Variants in TMEM132D observed in about 807,000 individuals in gnomAD.
TMEM132D encodes the protein mature OL transmembrane protein.
In TMEM132D, 21 loss-of-function variants were observed where a neutral mutation model predicts 62.3. That is an observed-to-expected ratio of 0.34 (90% CI 0.24 to 0.49). The LOEUF is 0.49. Ranked by LOEUF, TMEM132D falls within the 20% of genes least tolerant of loss-of-function variation. TMEM132D has a pLI of 0.99. For missense variants in TMEM132D, 1,346 were observed against 1,402.8 expected, an observed-to-expected ratio of 0.96 and a Z score of 0.65; for synonymous variants, 621 against 575.6, an observed-to-expected ratio of 1.08 and a Z score of -1.13.
chr12:129,745,814 T>C (rs1338904294), intron 1 of TMEM132D, among the ~76,000 whole-genome samples: 1 of 152,204 alleles, frequency 6.6e-6, no homozygotes, highest in East Asian at 1.9e-4. Context: ...AGGAACCAAC[T>C]TGCAAAGAGT....
At chr12:129,368,760 T>C (rs1267119952) in intron 3 of TMEM132D, among the ~76,000 whole-genome samples, 2 of 149,980 alleles carry the variant, frequency 1.3e-5, no homozygotes, top group Non-Finnish European at 3.0e-5. Context: ...GTTGTCAACC[T>C]TTCCACCAAA....
chr12:129,106,339 C>T (rs577570396), intron 5 of TMEM132D, among the ~76,000 whole-genome samples: 41 of 150,792 alleles, frequency 2.7e-4, no homozygotes, highest in South Asian at 1.7e-3. Flanking sequence ...GTGGGTGCAG[C>T]GCATCAGCAT....
chr12:129,793,436 A>C (rs1216467447), intron 1 of TMEM132D, among the ~76,000 whole-genome samples: 1 of 152,142 alleles, frequency 6.6e-6, no homozygotes, highest in Non-Finnish European at 1.5e-5. Context: ...CAGTGGCATG[A>C]TCATGGCTCC....
chr12:129,543,195 G>A (rs1172780327), intron 2 of TMEM132D, among the ~76,000 whole-genome samples: 1 of 108,394 alleles, frequency 9.2e-6, no homozygotes, highest in Non-Finnish European at 1.9e-5. Flanking sequence ...GGATGGATGA[G>A]TTGATGAGTT....
intron 1 of TMEM132D, among the ~76,000 whole-genome samples, chr12:129,795,492 G>A (rs189382063): frequency 3.3e-5 from 5 of 152,272 alleles, no homozygotes; most frequent in East Asian, 3.9e-4. Context: ...ACAGTATTTC[G>A]TGGTGCCAAG....
At chr12:129,451,450 C>G (rs1873284733) in intron 3 of TMEM132D, among the ~76,000 whole-genome samples, 1 of 152,054 alleles carries the variant, frequency 6.6e-6, no homozygotes, top group Non-Finnish European at 1.5e-5. Flanking sequence ...GTTACAGTGA[C>G]TAGATGCTTT....
At chr12:129,706,642 A>G (rs1881513404) in intron 1 of TMEM132D, among the ~76,000 whole-genome samples, 1 of 152,008 alleles carries the variant, frequency 6.6e-6, no homozygotes, top group South Asian at 2.1e-4. Context: ...TATAATCTCT[A>G]TGGAGAATAC....
At chr12:129,852,285 T>G (rs1873568253) in intron 1 of TMEM132D, 1 of 152,252 alleles carries the variant, frequency 6.6e-6, no homozygotes, top group Non-Finnish European at 1.5e-5. Flanking sequence ...GGCTCACACC[T>G]GTAATACCAG....
At chr12:129,654,869 CACAA>C (rs962170357) in intron 2 of TMEM132D, among the ~76,000 whole-genome samples, 4 of 152,332 alleles carry the variant, frequency 2.6e-5, no homozygotes, top group African/African-American at 9.6e-5. Context: ...CTTCTAAAAA[CACAA>C]ACAAACGAAC....
intron 5 of TMEM132D, among the ~76,000 whole-genome samples, chr12:129,182,470 T>C (rs11060183): frequency 0.43 from 64,915 of 151,540 alleles, 14,181 homozygotes; most frequent in East Asian, 0.57. Flanking sequence ...AGGTCCACAC[T>C]CTGCAGGGAA....
chr12:129,268,230 C>T (rs1234858409), intron 4 of TMEM132D, among the ~76,000 whole-genome samples: 5 of 152,114 alleles, frequency 3.3e-5, no homozygotes, highest in Non-Finnish European at 2.9e-5. Context: ...AAGAAACCAC[C>T]ATCAGAGTGA....
chr12:129,566,388 AG>A (rs1396928124), intron 2 of TMEM132D, among the ~76,000 whole-genome samples: 7 of 152,142 alleles, frequency 4.6e-5, no homozygotes. Context: ...CTCTTAGCCA[AG>A]GTCCTTCTGA....
chr12:129,607,974 C>T lies in TMEM132D; in HGVS notation c.969-76769G>A, dbSNP rs900886486. 1.2e-4 allele frequency among the ~76,000 whole-genome samples: 18 copies of T among 152,126 alleles called. 1 individual carries two copies. Among genetic ancestry groups the T allele is most frequent in the Admixed American group, 2.6e-4 (4 of 15,274 alleles). On this transcript the variant is annotated intron_variant, in intron 2 of 8. Transcript: ENST00000422113. ...CAGCCCCCAGTGAATGTGCTGACTG[C>T]GGCGGGGGAGGAGCCGACAGATCAG... is the stretch of plus-strand genomic sequence containing the variant.
At chr12:129,185,650 T>C (rs1878197758) in intron 5 of TMEM132D, among the ~76,000 whole-genome samples, 1 of 152,094 alleles carries the variant, frequency 6.6e-6, no homozygotes, top group Non-Finnish European at 1.5e-5. Context: ...CTTCTCAAAG[T>C]TGGTTATTTT....
chr12:129,581,619 G>A (rs1210629274), intron 2 of TMEM132D, among the ~76,000 whole-genome samples: 1 of 152,196 alleles, frequency 6.6e-6, no homozygotes, highest in Non-Finnish European at 1.5e-5. Context: ...GGAGAAAGAT[G>A]AGGTAGAAGA....
intron 3 of TMEM132D, among the ~76,000 whole-genome samples, chr12:129,377,115 G>A (rs748925505): frequency 6.6e-5 from 10 of 152,108 alleles, no homozygotes; most frequent in Non-Finnish European, 1.3e-4. Context: ...AACAAGTCCT[G>A]ACCTAATGTG....
At chr12:129,553,775 C>A (rs1876969176) in intron 2 of TMEM132D, among the ~76,000 whole-genome samples, 1 of 152,186 alleles carries the variant, frequency 6.6e-6, no homozygotes, top group Non-Finnish European at 1.5e-5. Flanking sequence ...TTCCATTTTC[C>A]AGTTCCCTGG....
intron 2 of TMEM132D, among the ~76,000 whole-genome samples, chr12:129,587,459 TGATG>T (rs2137131734): frequency 6.6e-6 from 1 of 151,978 alleles, no homozygotes; most frequent in African/African-American, 2.4e-5. Flanking sequence ...ATTTCCTGGG[TGATG>T]AACTAATTCG....
intron 2 of TMEM132D, among the ~76,000 whole-genome samples, chr12:129,677,183 A>G (rs144161744): frequency 6.6e-6 from 1 of 152,132 alleles, no homozygotes; most frequent in Non-Finnish European, 1.5e-5. Context: ...ACATGTCATG[A>G]GAGGAACCTG....
Sources: allele counts gnomAD v4.1 joint callset (sites outside exome capture counted in the v4.1 genomes callset), GRCh38; gene constraint gnomAD v4.1.1; transcripts MANE v1.5; gene names NCBI Gene and HGNC (gene_info 2026-07-23, HGNC 2026-07-21).